The following DRC2 variants were observed in gnomAD, a reference collection of about 807,000 sequenced individuals.
DRC2 encodes coiled-coil domain containing 65.
chr12:48,914,329 G>T, the DRC2 span: 2 of 1,430,454 alleles, frequency 1.4e-6, no homozygotes, highest in South Asian at 2.8e-5. Context: ...AGAAAAAACT[G>T]CCAGCTGAAT....
the DRC2 span, among the ~76,000 whole-genome samples, chr12:48,916,587 G>A: frequency 2.4e-3 from 363 of 152,232 alleles, no homozygotes; most frequent in African/African-American, 7.8e-3. Context: ...GAGGGAGACC[G>A]TGGAAAGAGA....
the DRC2 span, chr12:48,921,015 T>G: frequency 1.2e-6 from 2 of 1,613,912 alleles, no homozygotes; most frequent in East Asian, 4.5e-5. Context: ...TCATCAGTAT[T>G]GACTCCTAAG....
chr12:48,916,852 T>TCTCC, the DRC2 span: 1 of 887,932 alleles, frequency 1.1e-6, no homozygotes, highest in Non-Finnish European at 1.7e-6. Flanking sequence ...CTCTCTCTTT[T>TCTCC]CTCCATCAGT....
the DRC2 span, among the ~76,000 whole-genome samples, chr12:48,909,343 C>G: frequency 6.6e-6 from 1 of 152,190 alleles, no homozygotes; most frequent in Non-Finnish European, 1.5e-5. Context: ...CACACCTGGC[C>G]TCTGCCTACC....
chr12:48,904,652 G>C, the DRC2 span, among the ~76,000 whole-genome samples: 7 of 152,210 alleles, frequency 4.6e-5, no homozygotes, highest in African/African-American at 1.7e-4. Context: ...CACGGAGGGG[G>C]TGCGTGGTAT....
the DRC2 span, chr12:48,921,543 G>A: frequency 4.0e-6 from 6 of 1,486,878 alleles, no homozygotes; most frequent in Admixed American, 2.4e-5. Flanking sequence ...GAGAAATGTA[G>A]GGATGTTGCT....
chr12:48,912,437 C>CAAAAAAAAAAAAAAAAAAAAA, the DRC2 span, among the ~76,000 whole-genome samples: 393 of 45,350 alleles, frequency 8.7e-3, 79 homozygotes, highest in Middle Eastern at 0.036. Context: ...GACGCCGTCT[C>CAAAAAAAAAAAAAAAAAAAAA]AAAAAAAAAA....
chr12:48,920,441 T>TTAAAAAAAAAAAAAAAA, the DRC2 span, among the ~76,000 whole-genome samples: 3 of 67,816 alleles, frequency 4.4e-5, no homozygotes, highest in Non-Finnish European at 7.8e-5. Context: ...AACTCCATCT[T>TTAAAAAAAAAAAAAAAA]AAAAAAAAAA....
the DRC2 span, among the ~76,000 whole-genome samples, chr12:48,909,755 G>C: frequency 6.6e-6 from 1 of 150,888 alleles, no homozygotes; most frequent in Non-Finnish European, 1.5e-5. Flanking sequence ...GGGATTACAG[G>C]CGTGAGCCAC....
chr12:48,914,444 C>T, the DRC2 span: 114 of 1,613,948 alleles, frequency 7.1e-5, no homozygotes, highest in Middle Eastern at 1.6e-4. Context: ...GAGCAGTACG[C>T]CCATGCCCTG....
the DRC2 span, chr12:48,914,629 G>A: frequency 2.0e-5 from 31 of 1,544,266 alleles, no homozygotes; most frequent in East Asian, 1.6e-4. Flanking sequence ...CCCAGAGTCC[G>A]TGTCAAGGAG....
chr12:48,910,213 T>C, the DRC2 span, among the ~76,000 whole-genome samples: 6 of 152,220 alleles, frequency 3.9e-5, no homozygotes, highest in Non-Finnish European at 7.3e-5. Flanking sequence ...TCATCAACCT[T>C]AGAGCAATTT....
the DRC2 span, among the ~76,000 whole-genome samples, chr12:48,920,122 A>C: frequency 6.7e-6 from 1 of 148,532 alleles, no homozygotes; most frequent in South Asian, 2.1e-4. Context: ...AAAAAAAAAA[A>C]AAAAAAAAAA....
At chr12:48,920,866 C>A in the DRC2 span, 22,755 of 1,507,628 alleles carry the variant, frequency 0.015, 239 homozygotes, top group Non-Finnish European at 0.017. Flanking sequence ...ACAGGGGAAC[C>A]AACTCCACTA....
chr12:48,921,484 G>T, the DRC2 span: 10 of 1,534,380 alleles, frequency 6.5e-6, no homozygotes, highest in Middle Eastern at 1.8e-4. Context: ...CACAACCTGT[G>T]ATCTAAGGAA....
chr12:48,918,314 A>AC, the DRC2 span: 3 of 1,614,090 alleles, frequency 1.9e-6, no homozygotes, highest in Non-Finnish European at 2.5e-6. Context: ...GCACCTGGAG[A>AC]ACAGAGTAGA....
chr12:48,906,080 TC>T, the DRC2 span, among the ~76,000 whole-genome samples: 1 of 152,020 alleles, frequency 6.6e-6, no homozygotes, highest in African/African-American at 2.4e-5. Context: ...CAGAGTCTTT[TC>T]CATTTTCAAC....
chr12:48,910,794 C>T, the DRC2 span, among the ~76,000 whole-genome samples: 12 of 152,144 alleles, frequency 7.9e-5, no homozygotes, highest in African/African-American at 2.4e-4. Context: ...CCTGAAATCC[C>T]AGCACTTTGG....
At chr12:48,920,441 T>TTTAAAAAAAAAA in the DRC2 span, among the ~76,000 whole-genome samples, 286 of 67,774 alleles carry the variant, frequency 4.2e-3, 26 homozygotes, top group Non-Finnish European at 5.8e-3. Flanking sequence ...AACTCCATCT[T>TTTAAAAAAAAAA]AAAAAAAAAA....
Sources: allele counts gnomAD v4.1 joint callset (sites outside exome capture counted in the v4.1 genomes callset), GRCh38; gene constraint gnomAD v4.1.1; transcripts MANE v1.5; gene names NCBI Gene and HGNC (gene_info 2026-07-23, HGNC 2026-07-21).